Variants in MOGAT1 observed in about 807,000 individuals in gnomAD.
MOGAT1 encodes the protein 2-acylglycerol O-acyltransferase 1.
In MOGAT1, 32 loss-of-function variants were observed where a neutral mutation model predicts 31.4. That is an observed-to-expected ratio of 1.02 (90% CI 0.77 to 1.37). MOGAT1 has a LOEUF of 1.37. Among genes scored for constraint, MOGAT1 ranks in the 40% most tolerant of loss-of-function variants. MOGAT1 has a pLI of 0.00. For missense variants in MOGAT1, 426 were observed against 402.0 expected (o/e 1.06, Z -0.51); for synonymous variants, 145 against 144.5 (o/e 1.00, Z -0.03).
At chr2:222,679,355 CA>C (rs1317732388) in intron 1 of MOGAT1, among the ~76,000 whole-genome samples, 5 of 152,072 alleles carry the variant, frequency 3.3e-5, no homozygotes, top group African/African-American at 1.2e-4. Flanking sequence ...TATTGTTTTT[CA>C]CAGGTGTTTT....
intron 1 of MOGAT1, among the ~76,000 whole-genome samples, chr2:222,673,238 G>T (rs1214074299): frequency 7.2e-6 from 1 of 139,670 alleles, no homozygotes. Context: ...TAAGTCATTT[G>T]TTTCAGAATG....
chr2:222,695,276 A>G lies in MOGAT1; in HGVS notation c.841A>G (p.Ile281Val). The change falls in exon 5 of 6, where the codon ATC becomes GTC. Residue 281 changes from isoleucine (I) to valine (V), a missense_variant. Ile to Val is a conservative substitution (Grantham distance 29). Transcript: ENST00000446656. ...TGGCCTAATGACCTATAGGAAAGCC[A>G]TCCACACTGTTGGTATGTACATAAA... ...NFGLMTYRKA[I>V]HTVVGRPIPV... The G allele has an allele frequency of 1.2e-6, 2 of 1,609,616 alleles. No individual in the cohort carries two copies. The highest frequency in any genetic ancestry group is 2.2e-5 in the South Asian group (2 of 90,548).
In MOGAT1 at chr2:222,695,292, T is replaced by G; in HGVS notation, c.853+4T>G. The G allele has an allele frequency of 1.3e-6, 2 of 1,590,386 alleles. No individual in the cohort carries two copies. The highest frequency in any genetic ancestry group is 2.7e-5 in the African/African-American group (2 of 74,276). On this transcript the variant is annotated splice_donor_region_variant and intron_variant, in intron 5 of 5. Transcript: ENST00000446656. ...AGGAAAGCCATCCACACTGTTGGTA[T>G]GTACATAAAATAACTACAACTATTA...
intron 5 of MOGAT1, among the ~76,000 whole-genome samples, chr2:222,695,764 AT>A (rs543512528): frequency 5.6e-4 from 83 of 149,338 alleles, no homozygotes; most frequent in Admixed American, 1.5e-3. Context: ...CTATAGACTT[AT>A]TTTTTTTTTA....
chr2:222,686,010 C>T (rs936740284), intron 1 of MOGAT1, among the ~76,000 whole-genome samples: 1 of 152,096 alleles, frequency 6.6e-6, no homozygotes, highest in African/African-American at 2.4e-5. Context: ...AGCTTGGGGA[C>T]ATTATTTTTG....
At chr2:222,701,596 A>AAAAGAGAAAGAGAGGG (rs763465755) in intron 5 of MOGAT1, among the ~76,000 whole-genome samples, 18 of 138,978 alleles carry the variant, frequency 1.3e-4, no homozygotes, top group Non-Finnish European at 1.1e-4. Flanking sequence ...GAAAGAAAGA[A>AAAAGAGAAAGAGAGGG]AGGGAGGGAG....
intron 1 of MOGAT1, among the ~76,000 whole-genome samples, chr2:222,683,743 G>A (rs1342236727): frequency 6.6e-6 from 1 of 152,036 alleles, no homozygotes; most frequent in Non-Finnish European, 1.5e-5. Flanking sequence ...AAAAGTGAGT[G>A]AGGGACAGCT....
At chr2:222,675,818 T>A (rs1276282701) in intron 1 of MOGAT1, among the ~76,000 whole-genome samples, 1 of 152,204 alleles carries the variant, frequency 6.6e-6, no homozygotes, top group Non-Finnish European at 1.5e-5. Flanking sequence ...TGTCTCATCA[T>A]GTAGCACCAT....
chr2:222,707,518 G>A (rs1693023907), intron 5 of MOGAT1, among the ~76,000 whole-genome samples: 1 of 152,100 alleles, frequency 6.6e-6, no homozygotes, highest in Non-Finnish European at 1.5e-5. Context: ...GCTGGGACTA[G>A]ACCCAGCCCA....
At chr2:222,687,113 C>CAAAAAAAAAAAAAA (rs1177781176) in intron 1 of MOGAT1, among the ~76,000 whole-genome samples, 29 of 22,362 alleles carry the variant, frequency 1.3e-3, no homozygotes, top group Middle Eastern at 0.026. Flanking sequence ...GACTCCATCT[C>CAAAAAAAAAAAAAA]AAAAAAAAAA....
Position 222,703,681 on chromosome 2 carries a change from C to A in MOGAT1, c.854-6055C>A, listed in dbSNP as rs561709761. On this transcript the variant is annotated intron_variant, in intron 5 of 5. Coordinates refer to ENST00000446656, the MANE Select transcript of MOGAT1 (RefSeq NM_058165.3). ...GCTTCATCTGACACCCAGGTTCCTG[C>A]TCCTTTTAACCCTTGTCGGCCACAC... Among the ~76,000 whole-genome samples, 31 of 152,244 alleles carry A rather than the reference C, an allele frequency of 2.0e-4. No individual in the cohort carries two copies. In the Middle Eastern group the frequency reaches 0.01, roughly 50 times the overall value.
chr2:222,703,698 C>T (rs575430316), intron 5 of MOGAT1, among the ~76,000 whole-genome samples: 3 of 152,148 alleles, frequency 2.0e-5, no homozygotes, highest in Admixed American at 6.5e-5. Flanking sequence ...TAACCCTTGT[C>T]GGCCACACAG....
At chr2:222,695,955 A>G (rs1279761869) in intron 5 of MOGAT1, among the ~76,000 whole-genome samples, 4 of 152,062 alleles carry the variant, frequency 2.6e-5, no homozygotes, top group Middle Eastern at 3.2e-3. Context: ...CCATTGCATC[A>G]TTCTTAATGC....
chr2:222,708,956 C>A (rs1296663219), intron 5 of MOGAT1, among the ~76,000 whole-genome samples: 2 of 152,164 alleles, frequency 1.3e-5, no homozygotes, highest in Non-Finnish European at 2.9e-5. Flanking sequence ...CTATTACAAA[C>A]AATGGAATCC....
intron 5 of MOGAT1, among the ~76,000 whole-genome samples, chr2:222,708,243 C>T (rs1693036274): frequency 6.6e-6 from 1 of 152,132 alleles, no homozygotes; most frequent in East Asian, 1.9e-4. Context: ...GCCACCACGT[C>T]CGGCTAATTT....
chr2:222,701,411 A>G (rs1288628513), intron 5 of MOGAT1, among the ~76,000 whole-genome samples: 1 of 150,154 alleles, frequency 6.7e-6, no homozygotes, highest in African/African-American at 2.5e-5. Flanking sequence ...AGAGAGAGAG[A>G]GAAAAATAAA....
intron 1 of MOGAT1, among the ~76,000 whole-genome samples, chr2:222,682,798 C>A (rs1254957908): frequency 6.6e-6 from 1 of 152,148 alleles, no homozygotes; most frequent in Non-Finnish European, 1.5e-5. Flanking sequence ...AACCTCAAAA[C>A]CTTGATGTTA....
At chr2:222,673,252 T>G (rs1692447889) in intron 1 of MOGAT1, among the ~76,000 whole-genome samples, 1 of 145,272 alleles carries the variant, frequency 6.9e-6, no homozygotes, top group Non-Finnish European at 1.5e-5. Context: ...CAGAATGAAG[T>G]CTGTACACCT....
At chr2:222,674,732 A>G (rs1692470894) in intron 1 of MOGAT1, among the ~76,000 whole-genome samples, 1 of 152,248 alleles carries the variant, frequency 6.6e-6, no homozygotes, top group Non-Finnish European at 1.5e-5. Flanking sequence ...GTGTGTAACC[A>G]TAGTACTCTT....
Sources: allele counts gnomAD v4.1 joint callset (sites outside exome capture counted in the v4.1 genomes callset), GRCh38; gene constraint gnomAD v4.1.1; transcripts MANE v1.5; gene names NCBI Gene and HGNC (gene_info 2026-07-23, HGNC 2026-07-21).